The following DLGAP4 variants were observed in gnomAD, a reference collection of about 807,000 sequenced individuals.
The protein encoded by DLGAP4 is disks large-associated protein 4.
Under a neutral mutation model 86.9 loss-of-function variants are expected in DLGAP4, and 18 were observed. That is an observed-to-expected ratio of 0.21 (90% CI 0.14 to 0.31). The LOEUF (loss-of-function observed/expected upper bound fraction) is 0.31, where lower values mean the gene tolerates loss of function less well. Ranked by LOEUF, DLGAP4 falls within the 10% of genes least tolerant of loss-of-function variation. The pLI is 1.00. For synonymous variants in DLGAP4, 548 were observed against 574.3 expected, an observed-to-expected ratio of 0.95 and a Z score of 0.65; for missense variants, 1,085 against 1,362.6, an observed-to-expected ratio of 0.80 and a Z score of 3.21.
chr20:36,359,782 G>A (rs1029144869), intron 1 of DLGAP4, among the ~76,000 whole-genome samples: 1 of 152,146 alleles, frequency 6.6e-6, no homozygotes, highest in Non-Finnish European at 1.5e-5. Flanking sequence ...CGGAGGGGAC[G>A]CCTCCCAGGC....
At chr20:36,437,451 C>G (rs1398356546) in intron 4 of DLGAP4, among the ~76,000 whole-genome samples, 2 of 152,210 alleles carry the variant, frequency 1.3e-5, no homozygotes, top group Non-Finnish European at 2.9e-5. Context: ...TCACCTGTAA[C>G]AGCACTGCCT....
At chr20:36,507,058 A>C (rs2036415105) in intron 10 of DLGAP4, among the ~76,000 whole-genome samples, 1 of 152,134 alleles carries the variant, frequency 6.6e-6, no homozygotes, top group Non-Finnish European at 1.5e-5. Context: ...GTATCTATTC[A>C]TTTGCCAATG....
At chr20:36,526,084 G>T (rs763982244) in intron 12 of DLGAP4, 78 bp downstream of exon 12, 1 of 1,599,130 alleles carries the variant, frequency 6.3e-7, no homozygotes, top group South Asian at 1.1e-5. Flanking sequence ...ATCGGTCAGT[G>T]CTGCTTGGCT....
intron 7 of DLGAP4, among the ~76,000 whole-genome samples, chr20:36,493,611 G>A (rs534443854): frequency 2.0e-5 from 3 of 152,214 alleles, no homozygotes; most frequent in Admixed American, 6.5e-5. Flanking sequence ...GGGCCCAGCA[G>A]GATGCTGTAG....
chr20:36,489,332 CA>C (rs1229629811), intron 7 of DLGAP4, among the ~76,000 whole-genome samples: 2 of 152,214 alleles, frequency 1.3e-5, no homozygotes, highest in African/African-American at 4.8e-5. Flanking sequence ...GGTTAGCACT[CA>C]GTAAGGTCAG....
chr20:36,343,281 C>A (rs1193243806), intron 1 of DLGAP4, among the ~76,000 whole-genome samples: 1 of 152,132 alleles, frequency 6.6e-6, no homozygotes, highest in Non-Finnish European at 1.5e-5. Flanking sequence ...CCCAGGGTGG[C>A]CAAGAAAGAC....
At chr20:36,520,388 C>G (rs1278984010) in intron 10 of DLGAP4, among the ~76,000 whole-genome samples, 1 of 152,122 alleles carries the variant, frequency 6.6e-6, no homozygotes, top group Non-Finnish European at 1.5e-5. Flanking sequence ...CTCTGTTGCC[C>G]AGGCTGGAGT....
chr20:36,332,416 G>T (rs782348434), intron 1 of DLGAP4, among the ~76,000 whole-genome samples: 15 of 151,978 alleles, frequency 9.9e-5, no homozygotes, highest in Admixed American at 2.0e-4. Flanking sequence ...TTGAGACAGG[G>T]TCTCACTCTG....
At position 36,525,989 on chromosome 20, in the gene DLGAP4, ACCC is replaced by A; in HGVS notation, c.2746_2748del (p.Pro916del). ...GGCCAACAGCTGGCAGCTGGTGGAG[ACCC>A]CCGAGAAGAGGAAGGTGAGCATGGA... On this transcript the variant is annotated inframe_deletion, in exon 12 of 13. Transcript: ENST00000339266. 1 of 1,613,686 alleles carries A rather than the reference ACCC, an allele frequency of 6.2e-7. No homozygotes were observed. Among genetic ancestry groups the A allele is most frequent in the Non-Finnish European group, 8.5e-7 (1 of 1,179,936 alleles).
intron 1 of DLGAP4, among the ~76,000 whole-genome samples, chr20:36,347,743 T>A (rs1332690864): frequency 6.6e-6 from 1 of 150,622 alleles, no homozygotes; most frequent in Non-Finnish European, 1.5e-5. Context: ...GGAGGATCAC[T>A]TGGGCCCAAA....
intron 1 of DLGAP4, among the ~76,000 whole-genome samples, chr20:36,347,356 G>A (rs181928939): frequency 1.8e-4 from 28 of 152,284 alleles, no homozygotes; most frequent in Admixed American, 9.2e-4. Flanking sequence ...TGTGGAAGGG[G>A]CAGAGAGAGA....
intron 1 of DLGAP4, among the ~76,000 whole-genome samples, chr20:36,338,246 C>A (rs1359996299): frequency 6.6e-6 from 1 of 152,168 alleles, no homozygotes; most frequent in Non-Finnish European, 1.5e-5. Context: ...GAGGGCCCAT[C>A]TGGAGGCTAC....
rs115305099 is a variant in DLGAP4 at position 36,381,053 on chromosome 20, G to A, written c.-73+13778G>A. Among the ~76,000 whole-genome samples, 789 of 152,330 alleles carry A rather than the reference G, an allele frequency of 5.2e-3. 7 individuals carry two copies. Among genetic ancestry groups the A allele is most frequent in the African/African-American group, 0.018 (751 of 41,570 alleles). On this transcript the variant is annotated intron_variant, in intron 2 of 12. Transcript: ENST00000339266. ...GATAGCTAGCATGATCCACCTTAAA[G>A]TACCCACCTCACAGGGAAAGATTCT...
intron 2 of DLGAP4, among the ~76,000 whole-genome samples, chr20:36,373,235 T>G (rs1332801377): frequency 6.6e-6 from 1 of 152,184 alleles, no homozygotes; most frequent in Non-Finnish European, 1.5e-5. Context: ...AACTGTAAAG[T>G]TCAGAGGTCT....
intron 1 of DLGAP4, among the ~76,000 whole-genome samples, chr20:36,307,152 C>T (rs1555889563): frequency 1.3e-5 from 2 of 152,164 alleles, no homozygotes; most frequent in African/African-American, 2.4e-5. Flanking sequence ...TCCCTGTTTG[C>T]GTCCCTGGGA....
intron 2 of DLGAP4, among the ~76,000 whole-genome samples, chr20:36,409,989 A>G (rs4810450): frequency 0.85 from 127,031 of 148,704 alleles, 54,810 homozygotes; most frequent in East Asian, 1. Context: ...AGCCGAGATC[A>G]CGCCACTGCA....
At chr20:36,457,788 T>C (rs989467271) in intron 7 of DLGAP4, among the ~76,000 whole-genome samples, 6 of 151,594 alleles carry the variant, frequency 4.0e-5, no homozygotes, top group Admixed American at 3.3e-4. Context: ...GTGCTGAGAT[T>C]ACAGGCACAC....
At chr20:36,395,504 TA>T (rs1000667215) in intron 2 of DLGAP4, among the ~76,000 whole-genome samples, 226 of 151,736 alleles carry the variant, frequency 1.5e-3, no homozygotes, top group African/African-American at 5.3e-3. Context: ...GCCTTTTTTT[TA>T]TTATTATTAT....
Position 36,308,508 on chromosome 20 carries a change from A to G in DLGAP4, c.-304+1996A>G, listed in dbSNP as rs1433966945. Among the ~76,000 whole-genome samples the G allele has an allele frequency of 1.3e-5, 2 of 152,230 alleles. No individual in the cohort carries two copies. Among genetic ancestry groups the G allele is most frequent in the African/African-American group, 4.8e-5 (2 of 41,462 alleles). On this transcript the variant is annotated intron_variant, in intron 1 of 12. Coordinates refer to ENST00000339266, the MANE Select transcript of DLGAP4 (RefSeq NM_001365621.2). The surrounding 1 kb of genome is among the most constrained non-coding windows in gnomAD (Gnocchi z 4.5). Reference sequence around the variant, plus strand: ...TGCCCCGGGCGTGAAGCTGCCTGGCAGCTGAGTTGGTGTTTTTGAAGGAAG... The same window carrying G: ...TGCCCCGGGCGTGAAGCTGCCTGGCGGCTGAGTTGGTGTTTTTGAAGGAAG...
Sources: allele counts gnomAD v4.1 joint callset (sites outside exome capture counted in the v4.1 genomes callset), GRCh38; gene constraint gnomAD v4.1.1; non-coding constraint Gnocchi (gnomAD v3.1); transcripts MANE v1.5; gene names NCBI Gene and HGNC (gene_info 2026-07-23, HGNC 2026-07-21).